The following TNR variants were observed in gnomAD, a reference collection of about 807,000 sequenced individuals.
TNR encodes tenascin R, also known as tenascin-R.
In TNR, 45 loss-of-function variants were observed where a neutral mutation model predicts 150.4. The observed-to-expected ratio is 0.30, with a 90% CI of 0.24 to 0.38. The LOEUF is 0.38. Ranked by LOEUF, TNR falls within the 10% of genes least tolerant of loss-of-function variation. The pLI is 1.00. For synonymous variants in TNR, 687 were observed against 678.4 expected, an observed-to-expected ratio of 1.01 and a Z score of -0.20; for missense variants, 1,544 against 1,759.1, an observed-to-expected ratio of 0.88 and a Z score of 2.19.
chr1:175,369,423 C>T (rs1325880979), intron 9 of TNR, among the ~76,000 whole-genome samples: 1 of 152,180 alleles, frequency 6.6e-6, no homozygotes, highest in Non-Finnish European at 1.5e-5. Flanking sequence ...GTCTCTGCCT[C>T]TGTAGACACA....
At chr1:175,629,978 T>C (rs1452918817) in intron 1 of TNR, among the ~76,000 whole-genome samples, 1 of 152,172 alleles carries the variant, frequency 6.6e-6, no homozygotes, top group Non-Finnish European at 1.5e-5. Flanking sequence ...CTCAGACCCA[T>C]ACTGAGTCCT....
At chr1:175,626,099 C>A (rs532962827) in intron 1 of TNR, among the ~76,000 whole-genome samples, 1 of 152,310 alleles carries the variant, frequency 6.6e-6, no homozygotes, top group African/African-American at 2.4e-5. Flanking sequence ...TCTCTTGCCA[C>A]TGCCATGTAA....
intron 1 of TNR, among the ~76,000 whole-genome samples, chr1:175,655,770 C>T (rs1321265862): frequency 6.6e-6 from 1 of 152,220 alleles, no homozygotes; most frequent in Non-Finnish European, 1.5e-5. Context: ...GACATCACAC[C>T]TCACCAATGT....
intron 21 of TNR, among the ~76,000 whole-genome samples, chr1:175,326,037 T>G (rs1649371874): frequency 6.6e-6 from 1 of 152,110 alleles, no homozygotes; most frequent in Admixed American, 6.6e-5. Context: ...GAGGCATATT[T>G]AGGCTAAATA....
At position 175,633,029 on chromosome 1, in the gene TNR, G is replaced by A. The variant is rs374781065; in HGVS notation, c.-164-104660C>T. ...CCCCAAGCTCCTGTCTCCATACCTT[G>A]TATACACTGTCCCCTCTATCTGGAA... is the stretch of plus-strand genomic sequence containing the variant. On this transcript the variant is annotated intron_variant, in intron 1 of 22. Coordinates refer to ENST00000367674, the MANE Select transcript of TNR (RefSeq NM_003285.3). Among the ~76,000 whole-genome samples, 32 of 152,220 alleles carry A rather than the reference G, an allele frequency of 2.1e-4. 1 individual carries two copies. In the East Asian group the frequency reaches 3.3e-3, roughly 16 times the overall value.
At chr1:175,611,957 G>A (rs1052277544) in intron 1 of TNR, among the ~76,000 whole-genome samples, 3 of 152,180 alleles carry the variant, frequency 2.0e-5, no homozygotes, top group East Asian at 3.9e-4. Flanking sequence ...AGTTGAAAAT[G>A]TTTCCTTTTT....
chr1:175,481,518 A>C (rs1316156370), intron 2 of TNR, among the ~76,000 whole-genome samples: 1 of 152,006 alleles, frequency 6.6e-6, no homozygotes, highest in Non-Finnish European at 1.5e-5. Flanking sequence ...AGAGGACAGG[A>C]CACTTTCCCA....
intron 2 of TNR, among the ~76,000 whole-genome samples, chr1:175,426,929 A>G (rs911154932): frequency 3.4e-5 from 3 of 89,162 alleles, no homozygotes; most frequent in Admixed American, 2.4e-4. Context: ...ATATAAATAT[A>G]TATAAAATAT....
At chr1:175,726,077 G>A (rs1440262148) in intron 1 of TNR, among the ~76,000 whole-genome samples, 3 of 152,172 alleles carry the variant, frequency 2.0e-5, no homozygotes, top group Non-Finnish European at 4.4e-5. Context: ...ACAAATAAAT[G>A]GGGCAGAAAA....
chr1:175,519,191 G>A (rs1023771002), intron 2 of TNR, among the ~76,000 whole-genome samples: 2 of 152,086 alleles, frequency 1.3e-5, no homozygotes, highest in African/African-American at 4.8e-5. Context: ...TACAGTTACC[G>A]CTCTGACTCT....
At chr1:175,559,173 T>C (rs1489864526) in intron 1 of TNR, among the ~76,000 whole-genome samples, 1 of 152,220 alleles carries the variant, frequency 6.6e-6, no homozygotes, top group Admixed American at 6.5e-5. Flanking sequence ...AGAAACTAGC[T>C]AATGGATATG....
rs1200605845 is a variant in TNR, at chr1:175,330,188, G to A, written c.3679C>T (p.Arg1227Cys). Residue 1227 changes from arginine (R) to cysteine (C), a missense_variant, in exon 21 of 23, where the codon CGC (arginine) becomes TGC (cysteine). Arg to Cys is a radical substitution (Grantham distance 180). This residue lies in a region of TNR where 290 missense variants were observed against 429.7 expected (regional missense o/e 0.67). Transcript: ENST00000367674. Reference sequence around the variant, plus strand: ...TCTTGGCCATCCCGCATGTCCACGCGCAGCTCATAGCGGCCCTGGGATGTG... The same window carrying A: ...TCTTGGCCATCCCGCATGTCCACGCACAGCTCATAGCGGCCCTGGGATGTG... ...RITSQGRYEL[R>C]VDMRDGQEAA... 4 of 1,612,224 alleles carry A rather than the reference G, an allele frequency of 2.5e-6. No homozygotes were observed. The highest frequency in any genetic ancestry group is 3.4e-6 in the Non-Finnish European group (4 of 1,178,570).
intron 1 of TNR, among the ~76,000 whole-genome samples, chr1:175,650,883 A>G (rs1489512568): frequency 1.5e-5 from 1 of 66,090 alleles, no homozygotes; most frequent in African/African-American, 7.0e-5. Flanking sequence ...CCTCCTCCCC[A>G]CCTCATTACT....
intron 1 of TNR, among the ~76,000 whole-genome samples, chr1:175,618,068 AAGCTCAACC>A (rs1374841740): frequency 6.6e-6 from 1 of 152,218 alleles, no homozygotes; most frequent in African/African-American, 2.4e-5. Context: ...AGGGTCATTC[AAGCTCAACC>A]AACATTCCTT....
rs959458565 is a variant in TNR, at chr1:175,742,961, A to G, written c.-165+265T>C. 8.8e-5 allele frequency among the ~76,000 whole-genome samples: 7 copies of G among 79,810 alleles called. No individual in the cohort carries two copies. The South Asian group carries it at 3.4e-3, about 39-fold the overall frequency. 52.4% of individuals were successfully genotyped at this position (79,810 alleles called of 152,430 possible). On this transcript the variant is annotated intron_variant, in intron 1 of 22. Coordinates refer to ENST00000367674, the MANE Select transcript of TNR (RefSeq NM_003285.3). Reference sequence around the variant, plus strand: ...TCAGACCTCACCTGTCTTATGCAACAGTACACACACACACACACACACACA... The same window carrying G: ...TCAGACCTCACCTGTCTTATGCAACGGTACACACACACACACACACACACA...
chr1:175,462,143 A>G (rs1390898328), intron 2 of TNR, among the ~76,000 whole-genome samples: 1 of 152,196 alleles, frequency 6.6e-6, no homozygotes, highest in Non-Finnish European at 1.5e-5. Context: ...TTGATTATAA[A>G]ATATGTTCAC....
chr1:175,659,845 G>T (rs940082799), intron 1 of TNR, among the ~76,000 whole-genome samples: 4 of 151,990 alleles, frequency 2.6e-5, no homozygotes, highest in African/African-American at 9.7e-5. Context: ...GTGGGGAGGA[G>T]GGCCTGTTAG....
chr1:175,742,653 A>G (rs1667964178), intron 1 of TNR, among the ~76,000 whole-genome samples: 1 of 152,202 alleles, frequency 6.6e-6, no homozygotes, highest in African/African-American at 2.4e-5. Flanking sequence ...AAGAGAAAGT[A>G]AAAGGTCAGG....
intron 1 of TNR, among the ~76,000 whole-genome samples, chr1:175,708,492 T>C (rs1371941468): frequency 6.6e-6 from 1 of 152,214 alleles, no homozygotes; most frequent in Non-Finnish European, 1.5e-5. Context: ...ATCCTCGCAC[T>C]TTATGATTTT....
Sources: allele counts gnomAD v4.1 joint callset (sites outside exome capture counted in the v4.1 genomes callset), GRCh38; gene constraint gnomAD v4.1.1; regional missense constraint gnomAD v4.1.1; transcripts MANE v1.5; gene names NCBI Gene and HGNC (gene_info 2026-07-23, HGNC 2026-07-21).